The following SLC36A1 variants were observed in gnomAD, a reference collection of about 807,000 sequenced individuals.
SLC36A1 encodes solute carrier family 36 member 1.
Under a neutral mutation model 47.5 loss-of-function variants are expected in SLC36A1, and 30 were observed. That is an observed-to-expected ratio of 0.63 (90% confidence interval 0.47 to 0.86). SLC36A1 has a LOEUF of 0.86. Ranked by LOEUF, SLC36A1 falls within the 40% of genes least tolerant of loss-of-function variation. SLC36A1 has a pLI of 0.00. For missense variants in SLC36A1, 517 were observed against 606.0 expected, an observed-to-expected ratio of 0.85 and a Z score of 1.54; for synonymous variants, 255 against 249.7, an observed-to-expected ratio of 1.02 and a Z score of -0.20.
At chr5:151,511,406 G>T in the SLC36A1 span, 1 of 152,238 alleles carries the variant, frequency 6.6e-6, no homozygotes, top group African/African-American at 2.4e-5. Flanking sequence ...CATGCTGAGA[G>T]CAATGTATCC....
the SLC36A1 span, among the ~76,000 whole-genome samples, chr5:151,389,876 C>T: frequency 2.0e-5 from 3 of 151,096 alleles, no homozygotes; most frequent in African/African-American, 4.9e-5. Flanking sequence ...CATACATGTG[C>T]ATGTGTCTTT....
At chr5:151,422,729 A>AAAT in the SLC36A1 span, among the ~76,000 whole-genome samples, 2 of 151,818 alleles carry the variant, frequency 1.3e-5, no homozygotes, top group Non-Finnish European at 2.9e-5. Flanking sequence ...CTCCATCTAA[A>AAAT]AATAATAATA....
the SLC36A1 span, among the ~76,000 whole-genome samples, chr5:151,539,153 A>C: frequency 1.3e-5 from 2 of 152,098 alleles, no homozygotes; most frequent in Admixed American, 1.3e-4. Flanking sequence ...CATTCTCCCC[A>C]AAAAAGCCTC....
the SLC36A1 span, among the ~76,000 whole-genome samples, chr5:151,376,328 C>T: frequency 1.3e-5 from 2 of 152,078 alleles, no homozygotes; most frequent in Non-Finnish European, 2.9e-5. Flanking sequence ...AATAGTCTAG[C>T]TAGAAGTTTG....
At chr5:151,413,499 A>G in the SLC36A1 span, among the ~76,000 whole-genome samples, 2 of 152,202 alleles carry the variant, frequency 1.3e-5, no homozygotes, top group Admixed American at 1.3e-4. Flanking sequence ...AAAAATTATT[A>G]TATATGCATG....
chr5:151,422,470 C>G, the SLC36A1 span, among the ~76,000 whole-genome samples: 635 of 152,312 alleles, frequency 4.2e-3, 2 homozygotes, highest in Non-Finnish European at 6.9e-3. Flanking sequence ...AATCCCAGCA[C>G]TTTGGGAAGT....
chr5:151,536,890 C>T, the SLC36A1 span, among the ~76,000 whole-genome samples: 3 of 152,190 alleles, frequency 2.0e-5, no homozygotes, highest in Non-Finnish European at 2.9e-5. Context: ...TGTCCTCTCT[C>T]CTCCCTCTCT....
chr5:151,448,205 T>G (rs1258656734), intron 1 of SLC36A1, among the ~76,000 whole-genome samples: 1 of 152,160 alleles, frequency 6.6e-6, no homozygotes, highest in Non-Finnish European at 1.5e-5. Flanking sequence ...TTGGAGAAAC[T>G]GAGCCCTTAC....
the SLC36A1 span, chr5:151,543,544 T>G: frequency 3.7e-6 from 6 of 1,614,082 alleles, no homozygotes; most frequent in African/African-American, 6.7e-5. Context: ...TATGGAGAAC[T>G]TCTCACTTGC....
the SLC36A1 span, among the ~76,000 whole-genome samples, chr5:151,368,664 T>C: frequency 1.3e-5 from 2 of 152,228 alleles, no homozygotes; most frequent in South Asian, 4.1e-4. Context: ...TGCCAGCTTT[T>C]ACAATAGATT....
At chr5:151,534,377 T>C in the SLC36A1 span, 1 of 1,546,430 alleles carries the variant, frequency 6.5e-7, no homozygotes, top group Middle Eastern at 2.3e-4. Context: ...CAGGAGATCA[T>C]TGGAAATGGC....
chr5:151,492,873 T>A (rs1210014177), downstream of SLC36A1, among the ~76,000 whole-genome samples: 1 of 152,186 alleles, frequency 6.6e-6, no homozygotes, highest in East Asian at 1.9e-4. Flanking sequence ...GAGAAGAAAT[T>A]CTGCCTCCAG....
At chr5:151,461,741 A>G (rs1755548449) in intron 2 of SLC36A1, among the ~76,000 whole-genome samples, 1 of 152,232 alleles carries the variant, frequency 6.6e-6, no homozygotes, top group African/African-American at 2.4e-5. Flanking sequence ...ACTGCCACAC[A>G]TGCGCAAAGA....
chr5:151,409,988 C>T, the SLC36A1 span, among the ~76,000 whole-genome samples: 1 of 152,214 alleles, frequency 6.6e-6, no homozygotes, highest in Non-Finnish European at 1.5e-5. Context: ...ATATACCAGG[C>T]AGAATCCTAA....
chr5:151,537,858 T>C, the SLC36A1 span: 1 of 1,614,212 alleles, frequency 6.2e-7, no homozygotes, highest in Non-Finnish European at 8.5e-7. Context: ...GATCTGAGCA[T>C]TGGTATCAGT....
At chr5:151,450,453 G>A (rs1374883151) in intron 1 of SLC36A1, among the ~76,000 whole-genome samples, 1 of 150,710 alleles carries the variant, frequency 6.6e-6, no homozygotes, top group Non-Finnish European at 1.5e-5. Context: ...AGCATGTAGA[G>A]TGGATGGAGC....
At chr5:151,415,724 C>T in the SLC36A1 span, among the ~76,000 whole-genome samples, 112 of 152,214 alleles carry the variant, frequency 7.4e-4, no homozygotes, top group African/African-American at 2.6e-3. Context: ...AGTGGCTACT[C>T]GATTGATGTT....
chr5:151,541,400 C>T, the SLC36A1 span, among the ~76,000 whole-genome samples: 1 of 152,204 alleles, frequency 6.6e-6, no homozygotes, highest in South Asian at 2.1e-4. Flanking sequence ...TTTTAGGAGT[C>T]TGATATTTTA....
At chr5:151,405,261 G>C in the SLC36A1 span, among the ~76,000 whole-genome samples, 1 of 148,700 alleles carries the variant, frequency 6.7e-6, no homozygotes, top group Non-Finnish European at 1.5e-5. Context: ...AAATGGCTAT[G>C]TTGTCTTTCA....
Sources: gnomAD v4.1 joint callset for allele counts (sites outside exome capture counted in the v4.1 genomes callset) on GRCh38, gnomAD v4.1.1 for gene constraint, MANE v1.5 for transcripts, NCBI Gene and HGNC (gene_info 2026-07-23, HGNC 2026-07-21) for gene names.